The following DLGAP1 variants were observed in gnomAD, a reference collection of about 807,000 sequenced individuals.
DLGAP1 encodes the protein disks large-associated protein 1.
DLGAP1 carries 11 observed loss-of-function variants against 90.8 expected under a neutral mutation model. The ratio of observed to expected loss-of-function variants is 0.12; its 90% CI spans 0.08 to 0.20. The LOEUF (loss-of-function observed/expected upper bound fraction) is 0.20. Ranked by LOEUF, DLGAP1 falls within the 10% of genes least tolerant of loss-of-function variation. The pLI is 1.00. For missense variants in DLGAP1, 1,050 were observed against 1,333.8 expected, an observed-to-expected ratio of 0.79 and a Z score of 3.31; for synonymous variants, 558 against 540.7, an observed-to-expected ratio of 1.03 and a Z score of -0.44.
chr18:4,384,815 C>G (rs528626140), intron 1 of DLGAP1, among the ~76,000 whole-genome samples: 2 of 152,220 alleles, frequency 1.3e-5, no homozygotes, highest in South Asian at 4.1e-4. Context: ...ATCTTATTCA[C>G]TGACCTAGTA....
At chr18:3,667,194 C>G (rs2059915511) in intron 7 of DLGAP1, among the ~76,000 whole-genome samples, 1 of 152,102 alleles carries the variant, frequency 6.6e-6, no homozygotes, top group Non-Finnish European at 1.5e-5. Flanking sequence ...TCTCTTGCCT[C>G]AGCCTTCTGA....
chr18:4,222,307 G>C (rs148968462), intron 1 of DLGAP1, among the ~76,000 whole-genome samples: 1 of 151,986 alleles, frequency 6.6e-6, no homozygotes, highest in Non-Finnish European at 1.5e-5. Flanking sequence ...CTTGTTTCTG[G>C]TGTTTATTTT....
chr18:4,028,095 A>C (rs894361644), intron 2 of DLGAP1, among the ~76,000 whole-genome samples: 2 of 152,216 alleles, frequency 1.3e-5, no homozygotes, highest in African/African-American at 2.4e-5. Flanking sequence ...AAATCTAGAA[A>C]CAAACCCAAG....
chr18:3,797,192 C>T (rs773547823), intron 5 of DLGAP1, among the ~76,000 whole-genome samples: 2 of 151,994 alleles, frequency 1.3e-5, no homozygotes, highest in African/African-American at 2.4e-5. Context: ...ATTAGCTGGG[C>T]GTGGTGGTGC....
chr18:4,116,745 T>C (rs1250514173), intron 2 of DLGAP1, among the ~76,000 whole-genome samples: 1 of 152,240 alleles, frequency 6.6e-6, no homozygotes, highest in East Asian at 1.9e-4. Context: ...TGATTAGATA[T>C]TGTTATCATA....
intron 4 of DLGAP1, among the ~76,000 whole-genome samples, chr18:3,847,153 T>C (rs2069064419): frequency 6.6e-6 from 1 of 152,196 alleles, no homozygotes; most frequent in South Asian, 2.1e-4. Flanking sequence ...CTTGTTTTGG[T>C]ATCAGGATAG....
At chr18:3,681,377 T>C (rs1451907623) in intron 7 of DLGAP1, among the ~76,000 whole-genome samples, 1 of 152,212 alleles carries the variant, frequency 6.6e-6, no homozygotes, top group Non-Finnish European at 1.5e-5. Context: ...CAAATATTCA[T>C]TGTGTGATGC....
chr18:3,874,355 T>C, intron 4 of DLGAP1: 4 of 1,505,182 alleles, frequency 2.7e-6, no homozygotes, highest in Non-Finnish European at 3.6e-6. Context: ...TCCCTTTTCC[T>C]GTTTCTACGG....
In DLGAP1 at chr18:3,591,149, C is replaced by CTG. The variant is rs1301309122; in HGVS notation, c.1592-8902_1592-8901insCA. Among the ~76,000 whole-genome samples the CTG allele has an allele frequency of 1.3e-3, 196 of 152,046 alleles. 1 individual carries two copies. Among genetic ancestry groups the CTG allele is most frequent in the Non-Finnish European group, 2.1e-3 (145 of 67,984 alleles). ...GCACTGAAAAGAACATTTGCAAATC[C>CTG]AGGGAACAGGGCAGAGGTAGTACAA... is the stretch of plus-strand genomic sequence containing the variant. On this transcript the variant is annotated intron_variant, in intron 7 of 12. Coordinates refer to ENST00000315677, the MANE Select transcript of DLGAP1 (RefSeq NM_004746.4).
At chr18:3,702,315 C>T (rs1598399400) in intron 7 of DLGAP1, among the ~76,000 whole-genome samples, 1 of 152,230 alleles carries the variant, frequency 6.6e-6, no homozygotes, top group South Asian at 2.1e-4. Flanking sequence ...AGGCGTAAGC[C>T]GCTCCTGACG....
intron 1 of DLGAP1, among the ~76,000 whole-genome samples, chr18:4,364,641 G>A (rs556249734): frequency 6.6e-5 from 10 of 151,950 alleles, no homozygotes; most frequent in East Asian, 3.9e-4. Context: ...ATGGTTTTTC[G>A]TGTCTCAATC....
intron 1 of DLGAP1, among the ~76,000 whole-genome samples, chr18:4,356,816 G>A (rs9947580): frequency 0.055 from 8,412 of 151,964 alleles, 563 homozygotes; most frequent in African/African-American, 0.16. Context: ...TTACTTTTCC[G>A]ACCTCTTCCC....
chr18:4,220,671 C>T (rs2078055975), intron 1 of DLGAP1, among the ~76,000 whole-genome samples: 1 of 152,092 alleles, frequency 6.6e-6, no homozygotes, highest in African/African-American at 2.4e-5. Flanking sequence ...TTATGATCTA[C>T]TTCACACAAG....
At chr18:3,566,240 G>GT (rs1385291964) in intron 9 of DLGAP1, among the ~76,000 whole-genome samples, 9 of 151,952 alleles carry the variant, frequency 5.9e-5, no homozygotes, top group Non-Finnish European at 2.9e-5. Context: ...GGGTCAATTG[G>GT]TACGGATAGA....
At chr18:4,081,894 A>G (rs1332775593) in intron 2 of DLGAP1, among the ~76,000 whole-genome samples, 1 of 152,026 alleles carries the variant, frequency 6.6e-6, no homozygotes, top group Non-Finnish European at 1.5e-5. Flanking sequence ...ACACTTTCCC[A>G]TTTCCCTTTT....
intron 1 of DLGAP1, among the ~76,000 whole-genome samples, chr18:4,389,367 G>A (rs1301436945): frequency 6.6e-6 from 1 of 152,106 alleles, no homozygotes; most frequent in Non-Finnish European, 1.5e-5. Context: ...TACGGGTAGG[G>A]GAAAATGGGG....
chr18:3,581,786 C>T (rs1335491794), intron 8 of DLGAP1, 89 bp downstream of exon 8: 7 of 1,537,072 alleles, frequency 4.6e-6, no homozygotes, highest in Non-Finnish European at 6.2e-6. Context: ...TTCCAAGCGG[C>T]AAGAAAGCAA....
intron 7 of DLGAP1, among the ~76,000 whole-genome samples, chr18:3,704,890 G>A (rs959151085): frequency 2.0e-5 from 3 of 152,160 alleles, no homozygotes; most frequent in African/African-American, 7.2e-5. Context: ...CATAATATTA[G>A]TATTTAATGC....
chr18:4,041,721 T>G (rs1223981401), intron 2 of DLGAP1, among the ~76,000 whole-genome samples: 3 of 152,218 alleles, frequency 2.0e-5, no homozygotes, highest in African/African-American at 7.2e-5. Flanking sequence ...AGTTCCACTG[T>G]GGAGTTGGAT....
Sources: gnomAD v4.1 joint callset for allele counts (sites outside exome capture counted in the v4.1 genomes callset) on GRCh38, gnomAD v4.1.1 for gene constraint, MANE v1.5 for transcripts, NCBI Gene and HGNC (gene_info 2026-07-23, HGNC 2026-07-21) for gene names.